The following NCAM2 variants were observed in gnomAD, a reference collection of about 807,000 sequenced individuals.
NCAM2 encodes the protein N-CAM-2.
NCAM2 carries 30 observed loss-of-function variants against 98.1 expected under a neutral mutation model. The observed-to-expected ratio is 0.31, with a 90% CI of 0.23 to 0.41. The LOEUF (loss-of-function observed/expected upper bound fraction) is 0.41, where lower values mean the gene tolerates loss of function less well. Ranked by LOEUF, NCAM2 falls within the 10% of genes least tolerant of loss-of-function variation. NCAM2 has a pLI of 1.00. For missense variants in NCAM2, 867 were observed against 1,005.8 expected (o/e 0.86, Z 1.87); for synonymous variants, 368 against 342.4 (o/e 1.07, Z -0.83).
intron 1 of NCAM2, among the ~76,000 whole-genome samples, chr21:21,056,996 A>T (rs2065225466): frequency 6.6e-6 from 1 of 152,020 alleles, no homozygotes; most frequent in Admixed American, 6.6e-5. Flanking sequence ...GTTTTATTAT[A>T]AAAAATCCTA....
intron 1 of NCAM2, among the ~76,000 whole-genome samples, chr21:21,240,081 TAGA>T (rs903731430): frequency 5.3e-5 from 8 of 152,152 alleles, no homozygotes; most frequent in African/African-American, 1.7e-4. Context: ...CTGTTTCTTC[TAGA>T]AGAAGTTGTG....
chr21:21,135,954 T>C (rs1484050254), intron 1 of NCAM2, among the ~76,000 whole-genome samples: 2 of 152,106 alleles, frequency 1.3e-5, no homozygotes, highest in Admixed American at 6.5e-5. Flanking sequence ...AAAATTGTTA[T>C]GACATCATTT....
At chr21:21,471,965 G>A (rs538770888) in intron 14 of NCAM2, among the ~76,000 whole-genome samples, 5 of 151,930 alleles carry the variant, frequency 3.3e-5, no homozygotes, top group Non-Finnish European at 7.4e-5. Flanking sequence ...AGTTTAAACC[G>A]TGTGTTTGGA....
chr21:21,291,154 A>G (rs1304455355), intron 4 of NCAM2, among the ~76,000 whole-genome samples: 1 of 151,914 alleles, frequency 6.6e-6, no homozygotes, highest in African/African-American at 2.4e-5. Flanking sequence ...GGTGTCTCTT[A>G]TTCATCAAAG....
intron 1 of NCAM2, among the ~76,000 whole-genome samples, chr21:21,109,161 C>G (rs983234995): frequency 6.6e-5 from 10 of 152,178 alleles, no homozygotes; most frequent in Non-Finnish European, 1.2e-4. Context: ...GGAAAAAAAT[C>G]TTGGCTTTAA....
At chr21:21,095,612 A>G (rs1416987430) in intron 1 of NCAM2, among the ~76,000 whole-genome samples, 1 of 151,700 alleles carries the variant, frequency 6.6e-6, no homozygotes, top group East Asian at 1.9e-4. Context: ...AAAAGATGAT[A>G]AGATACTTTA....
intron 9 of NCAM2, among the ~76,000 whole-genome samples, chr21:21,396,589 G>T (rs980659079): frequency 1.3e-5 from 2 of 151,620 alleles, no homozygotes; most frequent in Non-Finnish European, 2.9e-5. Context: ...GGTGGGGAGT[G>T]GTGAGGGGTG....
At chr21:21,475,190 G>A (rs989898196) in intron 14 of NCAM2, among the ~76,000 whole-genome samples, 1 of 151,888 alleles carries the variant, frequency 6.6e-6, no homozygotes, top group African/African-American at 2.4e-5. Flanking sequence ...ACACCTTCTT[G>A]TCATTAACTC....
At chr21:21,463,431 A>G (rs893048992) in intron 12 of NCAM2, among the ~76,000 whole-genome samples, 4 of 152,140 alleles carry the variant, frequency 2.6e-5, no homozygotes, top group African/African-American at 9.7e-5. Flanking sequence ...CTTCTTGTAT[A>G]TAAACTTTGC....
intron 1 of NCAM2, among the ~76,000 whole-genome samples, chr21:21,242,903 G>A (rs979019963): frequency 1.4e-4 from 21 of 152,252 alleles, no homozygotes; most frequent in South Asian, 4.1e-4. Context: ...TATGGGAAAT[G>A]CATCAAAGCA....
chr21:21,188,370 A>G (rs2068707692), intron 1 of NCAM2, among the ~76,000 whole-genome samples: 2 of 152,158 alleles, frequency 1.3e-5, no homozygotes, highest in Non-Finnish European at 2.9e-5. Context: ...TTCATGTTTG[A>G]TGATGGTGTT....
rs77688666 is a variant in NCAM2, at chr21:21,220,091, T to G, written c.56-60487T>G. Among the ~76,000 whole-genome samples, 360 of 152,166 alleles carry G rather than the reference T, an allele frequency of 2.4e-3. 2 individuals carry two copies. Among genetic ancestry groups the G allele is most frequent in the African/African-American group, 8.2e-3 (342 of 41,536 alleles). ...AAAAACCTTTATAAAGTAAAAAAAG[T>G]TGCAGTAAGCTAAAGCTAAATTACA... On this transcript the variant is annotated intron_variant, in intron 1 of 17. Coordinates refer to ENST00000400546, the MANE Select transcript of NCAM2 (RefSeq NM_004540.5).
At position 21,530,219 on chromosome 21, in the gene NCAM2, T is replaced by A. The variant is rs9984340; in HGVS notation, c.2283-4318T>A. ...TTTAATTATATATAATTTAATTTAA[T>A]TTAATTATATATATTTAATTTAAAT... On this transcript the variant is annotated intron_variant, in intron 16 of 17. Coordinates refer to ENST00000400546, the MANE Select transcript of NCAM2 (RefSeq NM_004540.5). 2.7e-4 allele frequency among the ~76,000 whole-genome samples: 30 copies of A among 111,702 alleles called. 2 individuals are homozygous for A. Among genetic ancestry groups the A allele is most frequent in the African/African-American group, 5.9e-4 (18 of 30,578 alleles). The allele number at this position is 111,702 out of a possible 152,430, so 73.3% of individuals were successfully genotyped here.
chr21:21,461,336 C>CT (rs1263925668), intron 12 of NCAM2, among the ~76,000 whole-genome samples: 1 of 151,870 alleles, frequency 6.6e-6, no homozygotes, highest in African/African-American at 2.4e-5. Flanking sequence ...AGGAAGCCAT[C>CT]TGATTTTAAG....
Position 21,534,608 on chromosome 21 carries a change from G to A in NCAM2, c.2354G>A (p.Gly785Glu), listed in dbSNP as rs768799686. The A allele has an allele frequency of 1.9e-6, 3 of 1,611,000 alleles. No homozygotes were observed. The highest frequency in any genetic ancestry group is 3.4e-5 in the Admixed American group (2 of 59,508). ...GAAAGAGTTACTAATCACGAAGATG[G>A]GAGCCCAGTAAATGAGCCAAATGAA... Reference protein sequence around the residue: ...EDERVTNHEDGSPVNEPNETT... With the variant: ...EDERVTNHEDESPVNEPNETT... The change falls in exon 17 of 18, where the codon GGG (glycine) becomes GAG (glutamate). Residue 785 changes from glycine to glutamate, a missense_variant. By Grantham distance (98) the Gly-to-Glu change is moderately conservative. This residue lies in a region of NCAM2 where 125 missense variants were observed against 116.1 expected (regional missense o/e 1.08). Transcript: ENST00000400546.
chr21:21,151,411 GTAT>G (rs971240074), intron 1 of NCAM2, among the ~76,000 whole-genome samples: 4 of 152,058 alleles, frequency 2.6e-5, no homozygotes, highest in African/African-American at 9.7e-5. Context: ...TGGTTGTAGT[GTAT>G]TATTAATGGT....
intron 1 of NCAM2, among the ~76,000 whole-genome samples, chr21:21,180,700 C>G (rs1245182762): frequency 1.3e-5 from 2 of 152,008 alleles, no homozygotes; most frequent in African/African-American, 4.8e-5. Flanking sequence ...TAGTTTTTGC[C>G]TTGTTTCACA....
At chr21:21,480,366 CAAAAAAA>C (rs59203448) in intron 15 of NCAM2, among the ~76,000 whole-genome samples, 2 of 69,976 alleles carry the variant, frequency 2.9e-5, no homozygotes, top group East Asian at 6.7e-4. Context: ...GACTCCATCT[CAAAAAAA>C]AAAAAAAAAA....
chr21:21,305,188 G>A (rs1342533320), intron 5 of NCAM2, among the ~76,000 whole-genome samples: 1 of 151,926 alleles, frequency 6.6e-6, no homozygotes, highest in Non-Finnish European at 1.5e-5. Flanking sequence ...CTTGGTGGTG[G>A]GCACCTGTAA....
Sources: gnomAD v4.1 joint callset for allele counts (sites outside exome capture counted in the v4.1 genomes callset) on GRCh38, gnomAD v4.1.1 for gene constraint, gnomAD v4.1.1 regional missense constraint, MANE v1.5 for transcripts, NCBI Gene and HGNC (gene_info 2026-07-23, HGNC 2026-07-21) for gene names.